Variants in CCBE1 observed in about 807,000 individuals in gnomAD.
CCBE1 encodes the protein collagen and calcium binding EGF domains 1.
CCBE1 carries 37 observed loss-of-function variants against 50.0 expected under a neutral mutation model. The observed-to-expected ratio is 0.74, with a 90% confidence interval of 0.57 to 0.97. CCBE1 has a LOEUF of 0.97. Among genes scored for constraint, CCBE1 ranks in the 50% least tolerant of loss-of-function variants. CCBE1 has a pLI of 0.00. For synonymous variants in CCBE1, 234 were observed against 203.7 expected (o/e 1.15, Z -1.27); for missense variants, 538 against 523.8 (o/e 1.03, Z -0.26).
At chr18:59,678,092 G>A (rs978718167) in intron 2 of CCBE1, among the ~76,000 whole-genome samples, 2 of 152,152 alleles carry the variant, frequency 1.3e-5, no homozygotes, top group Admixed American at 6.5e-5. Context: ...AAGCGGGTGC[G>A]GTAGTCGTAA....
chr18:59,656,937 T>C (rs918722178), intron 2 of CCBE1, among the ~76,000 whole-genome samples: 3 of 152,104 alleles, frequency 2.0e-5, no homozygotes, highest in Non-Finnish European at 4.4e-5. Context: ...AACTTACTGC[T>C]AAGAAGATGA....
chr18:59,677,521 G>A (rs752762726), intron 2 of CCBE1, among the ~76,000 whole-genome samples: 5 of 152,024 alleles, frequency 3.3e-5, no homozygotes, highest in African/African-American at 4.8e-5. Context: ...TCCTTTCTCA[G>A]GAAAGAACTA....
chr18:59,638,567 C>T (rs972552583), intron 2 of CCBE1, among the ~76,000 whole-genome samples: 2 of 152,160 alleles, frequency 1.3e-5, no homozygotes, highest in African/African-American at 4.8e-5. Flanking sequence ...CTGATGCACA[C>T]TGAAGTTTGA....
At chr18:59,632,523 C>A (rs2053862633) in intron 2 of CCBE1, among the ~76,000 whole-genome samples, 1 of 152,110 alleles carries the variant, frequency 6.6e-6, no homozygotes. Context: ...ATCTACCTGC[C>A]TCGGCCTCCC....
intron 2 of CCBE1, chr18:59,568,277 T>C (rs1599021340): frequency 2.0e-5 from 3 of 152,142 alleles, no homozygotes; most frequent in Non-Finnish European, 2.9e-5. Flanking sequence ...AATCCCTGAT[T>C]CTGCTTTATT....
chr18:59,656,737 C>T (rs567402264), intron 2 of CCBE1, among the ~76,000 whole-genome samples: 1 of 152,182 alleles, frequency 6.6e-6, no homozygotes, highest in Non-Finnish European at 1.5e-5. Context: ...GTCTAAAGAG[C>T]AAATGCTAAT....
chr18:59,468,748 C>A (rs1252296332), intron 4 of CCBE1, among the ~76,000 whole-genome samples: 5 of 152,146 alleles, frequency 3.3e-5, no homozygotes, highest in Non-Finnish European at 1.5e-5. Flanking sequence ...TCTCACCATG[C>A]CTAGGAATCA....
At chr18:59,595,992 A>G (rs2053345067) in intron 2 of CCBE1, among the ~76,000 whole-genome samples, 1 of 152,218 alleles carries the variant, frequency 6.6e-6, no homozygotes, top group Non-Finnish European at 1.5e-5. Flanking sequence ...TTAAACTAAA[A>G]ACATATCTAC....
At chr18:59,649,220 G>A (rs894042139) in intron 2 of CCBE1, among the ~76,000 whole-genome samples, 11 of 152,256 alleles carry the variant, frequency 7.2e-5, no homozygotes, top group African/African-American at 2.4e-4. Flanking sequence ...GGAGATCTGC[G>A]CACTGCCCCT....
chr18:59,628,428 G>A (rs967880430), intron 2 of CCBE1, among the ~76,000 whole-genome samples: 4 of 151,712 alleles, frequency 2.6e-5, no homozygotes, highest in African/African-American at 2.4e-5. Context: ...TACTCCAAGA[G>A]ACATGAGGTG....
chr18:59,478,868 T>C (rs554254438), intron 3 of CCBE1, among the ~76,000 whole-genome samples: 4 of 152,256 alleles, frequency 2.6e-5, no homozygotes, highest in South Asian at 4.1e-4. Context: ...ACCAACAGAA[T>C]TGAGAAATTC....
At chr18:59,528,690 G>A (rs754847705) in intron 2 of CCBE1, among the ~76,000 whole-genome samples, 50 of 152,140 alleles carry the variant, frequency 3.3e-4, no homozygotes, top group Non-Finnish European at 5.4e-4. Flanking sequence ...ATTGCTGTTT[G>A]TTTTTAACAG....
At chr18:59,501,431 G>A (rs148989330) in intron 2 of CCBE1, among the ~76,000 whole-genome samples, 96 of 152,316 alleles carry the variant, frequency 6.3e-4, no homozygotes, top group African/African-American at 2.2e-3. Flanking sequence ...AACTGAGTGA[G>A]TGGCCAGGCT....
At chr18:59,511,168 G>T (rs932888247) in intron 2 of CCBE1, among the ~76,000 whole-genome samples, 3 of 152,184 alleles carry the variant, frequency 2.0e-5, no homozygotes, top group African/African-American at 7.2e-5. Flanking sequence ...TTGTGCACTT[G>T]CAAGTACTGG....
At chr18:59,446,735 T>C (rs1910688795) in intron 7 of CCBE1, among the ~76,000 whole-genome samples, 1 of 152,230 alleles carries the variant, frequency 6.6e-6, no homozygotes, top group Admixed American at 6.5e-5. Flanking sequence ...CGCTGACCAC[T>C]GCAGACTACA....
intron 2 of CCBE1, among the ~76,000 whole-genome samples, chr18:59,602,900 G>A (rs2053451118): frequency 1.3e-5 from 2 of 152,250 alleles, no homozygotes; most frequent in South Asian, 2.1e-4. Flanking sequence ...TCAGACTCCA[G>A]CTTCACATGC....
chr18:59,520,022 A>G (rs1212527588), intron 2 of CCBE1, among the ~76,000 whole-genome samples: 1 of 151,894 alleles, frequency 6.6e-6, no homozygotes, highest in Admixed American at 6.5e-5. Context: ...GCTCTGTTCC[A>G]TTTGTCTATA....
intron 2 of CCBE1, among the ~76,000 whole-genome samples, chr18:59,534,678 G>GT (rs1915180185): frequency 6.6e-6 from 1 of 152,174 alleles, no homozygotes; most frequent in South Asian, 2.1e-4. Context: ...AGCAGGCTGT[G>GT]TTTTCACAAG....
chr18:59,694,981 G>T (rs1222748074), intron 2 of CCBE1, among the ~76,000 whole-genome samples: 4 of 152,190 alleles, frequency 2.6e-5, no homozygotes, highest in Non-Finnish European at 5.9e-5. Context: ...ATGCCAAGGT[G>T]CTGCTAGTGT....
Sources: allele counts gnomAD v4.1 joint callset (sites outside exome capture counted in the v4.1 genomes callset), GRCh38; gene constraint gnomAD v4.1.1; transcripts MANE v1.5; gene names NCBI Gene and HGNC (gene_info 2026-07-23, HGNC 2026-07-21).